TJP2: variants seen among roughly 807,000 people sequenced by gnomAD.
TJP2 encodes the protein tight junction protein 2.
In TJP2, 91 loss-of-function variants were observed where a neutral mutation model predicts 133.1. The observed-to-expected ratio is 0.68, with a 90% CI of 0.58 to 0.81. TJP2 has a LOEUF of 0.81. Ranked by LOEUF, TJP2 falls within the 40% of genes least tolerant of loss-of-function variation. The pLI, the probability that TJP2 is intolerant of heterozygous loss-of-function variation, is 0.00. For synonymous variants in TJP2, 592 were observed against 583.4 expected (o/e 1.01, Z -0.21); for missense variants, 1,541 against 1,565.6 (o/e 0.98, Z 0.26).
intron 1 of TJP2, among the ~76,000 whole-genome samples, chr9:69,149,595 C>T (rs1823374138): frequency 6.6e-6 from 1 of 151,048 alleles, no homozygotes; most frequent in Admixed American, 6.6e-5. Flanking sequence ...ATCAGTTTGT[C>T]TAGCAAACAG....
chr9:69,121,264 C>T (rs1278755432), upstream of TJP2: 1 of 985,470 alleles, frequency 1.0e-6, no homozygotes, highest in Non-Finnish European at 1.2e-6. Flanking sequence ...CGTGCAGGCC[C>T]ACCCTCTCCG....
In TJP2 at chr9:69,125,563, C is replaced by A. The variant is rs1822282124; in HGVS notation, c.-131+3838C>A. 2.7e-5 allele frequency among the ~76,000 whole-genome samples: 2 copies of A among 75,178 alleles called. 1 individual carries two copies. The highest frequency in any genetic ancestry group is 8.2e-5 in the African/African-American group (2 of 24,438). 49.3% of individuals were successfully genotyped at this position (75,178 alleles called of 152,430 possible). ...ATCTGCCCACCTCGGCTTCCACCTT[C>A]CAAAGTGCTGAGATTACGGGCATGA... On this transcript the variant is annotated intron_variant, in intron 1 of 5. Coordinates refer to the TJP2 transcript ENST00000423935.
intron 2 of TJP2, among the ~76,000 whole-genome samples, chr9:69,214,568 T>C (rs1828202573): frequency 6.6e-6 from 1 of 152,168 alleles, no homozygotes; most frequent in South Asian, 2.1e-4. Context: ...TCAAATTTTA[T>C]CTTTAAAATC....
chr9:69,212,888 GAAA>G (rs1828030333), intron 2 of TJP2, among the ~76,000 whole-genome samples: 1 of 59,916 alleles, frequency 1.7e-5, no homozygotes, highest in African/African-American at 4.1e-5. Flanking sequence ...AGGGAAGAAT[GAAA>G]ATGACCTGTA....
At chr9:69,163,986 A>G (rs1417700503) in intron 2 of TJP2, among the ~76,000 whole-genome samples, 1 of 152,104 alleles carries the variant, frequency 6.6e-6, no homozygotes, top group Non-Finnish European at 1.5e-5. Flanking sequence ...CTAGCAAGGG[A>G]CCTAGGACAC....
chr9:69,174,909 GT>G (rs35641843), intron 1 of TJP2, among the ~76,000 whole-genome samples: 4,928 of 139,076 alleles, frequency 0.035, 137 homozygotes, highest in African/African-American at 0.084. Context: ...AGTAAAAGTT[GT>G]TTTTTTTTTT....
intron 1 of TJP2, among the ~76,000 whole-genome samples, chr9:69,211,229 C>T (rs4745702): frequency 0.48 from 72,064 of 151,552 alleles, 18,089 homozygotes; most frequent in East Asian, 0.63. Flanking sequence ...CCTAGCTACC[C>T]AGGAGACTGA....
intron 1 of TJP2, among the ~76,000 whole-genome samples, chr9:69,186,764 C>T (rs1451681270): frequency 6.6e-6 from 1 of 152,122 alleles, no homozygotes; most frequent in Non-Finnish European, 1.5e-5. Flanking sequence ...AGGAAGGGAC[C>T]CGTGGTGTTG....
intron 2 of TJP2, among the ~76,000 whole-genome samples, chr9:69,155,312 T>A (rs143736295): frequency 2.7e-3 from 417 of 151,746 alleles, no homozygotes; most frequent in African/African-American, 9.7e-3. Context: ...TCTGTGCACC[T>A]GGGAGCCCCT....
chr9:69,240,206 G>C (rs7035000), intron 17 of TJP2, 59 bp downstream of exon 17: 11 of 1,429,570 alleles, frequency 7.7e-6, no homozygotes, highest in Non-Finnish European at 1.1e-5. Context: ...GAATTGAAGA[G>C]TAGAAGAAAT....
At chr9:69,202,934 TA>T (rs913060776) in intron 1 of TJP2, among the ~76,000 whole-genome samples, 8 of 152,138 alleles carry the variant, frequency 5.3e-5, no homozygotes, top group Middle Eastern at 3.4e-3. Context: ...TCAGCACAAT[TA>T]AAAAAAAGAA....
intron 1 of TJP2, among the ~76,000 whole-genome samples, chr9:69,184,264 C>T (rs1825700668): frequency 6.6e-6 from 1 of 152,128 alleles, no homozygotes; most frequent in Non-Finnish European, 1.5e-5. Flanking sequence ...AAAGAAAAGG[C>T]GAGATGCGCA....
intron 1 of TJP2, among the ~76,000 whole-genome samples, chr9:69,176,248 C>T (rs571876193): frequency 4.6e-5 from 7 of 152,210 alleles, no homozygotes; most frequent in Non-Finnish European, 1.0e-4. Context: ...AATGCGCCCA[C>T]CTCACCGGGC....
chr9:69,228,498 C>T (rs75479795), intron 9 of TJP2, among the ~76,000 whole-genome samples: 2,034 of 152,224 alleles, frequency 0.013, 24 homozygotes, highest in Non-Finnish European at 0.021. Context: ...CGTGCACCCA[C>T]TGAACCTAAA....
intron 1 of TJP2, among the ~76,000 whole-genome samples, chr9:69,190,923 G>A (rs567693697): frequency 6.6e-6 from 1 of 152,302 alleles, no homozygotes; most frequent in African/African-American, 2.4e-5. Flanking sequence ...AATATTTATT[G>A]TCAGGCCCTT....
chr9:69,250,727 T>C (rs1371331265), intron 20 of TJP2, among the ~76,000 whole-genome samples: 1 of 152,194 alleles, frequency 6.6e-6, no homozygotes, highest in Non-Finnish European at 1.5e-5. Context: ...TTCTCCAAGA[T>C]GCTGATCTCC....
chr9:69,175,172 C>T (rs924945867), intron 1 of TJP2, among the ~76,000 whole-genome samples: 6 of 152,164 alleles, frequency 3.9e-5, no homozygotes, highest in Non-Finnish European at 7.3e-5. Flanking sequence ...TGGAATACAG[C>T]CTCCCACCTC....
At chr9:69,148,589 C>T (rs950983415) in intron 1 of TJP2, among the ~76,000 whole-genome samples, 2 of 151,846 alleles carry the variant, frequency 1.3e-5, no homozygotes, top group Non-Finnish European at 2.9e-5. Flanking sequence ...GGGCTAGTCT[C>T]GAACTCCTGA....
At chr9:69,153,528 G>T (rs1823592426) in intron 2 of TJP2, among the ~76,000 whole-genome samples, 1 of 152,186 alleles carries the variant, frequency 6.6e-6, no homozygotes, top group South Asian at 2.1e-4. Context: ...AGGTTACAGT[G>T]AGCTGAGATC....
Sources: allele counts gnomAD v4.1 joint callset (sites outside exome capture counted in the v4.1 genomes callset), GRCh38; gene constraint gnomAD v4.1.1; transcripts MANE v1.5; gene names NCBI Gene and HGNC (gene_info 2026-07-23, HGNC 2026-07-21).